BRINP2: variants seen among roughly 807,000 people sequenced by gnomAD.
The protein encoded by BRINP2 is BMP/retinoic acid inducible neural specific 2, also known as BMP/retinoic acid-inducible neural-specific protein 2.
BRINP2 carries 21 observed loss-of-function variants against 69.2 expected under a neutral mutation model. The ratio of observed to expected loss-of-function variants is 0.30; its 90% CI spans 0.22 to 0.44. The LOEUF (loss-of-function observed/expected upper bound fraction) is 0.44, where lower values mean the gene tolerates loss of function less well. Ranked by LOEUF, BRINP2 falls within the 20% of genes least tolerant of loss-of-function variation. BRINP2 has a pLI of 1.00. For missense variants in BRINP2, 877 were observed against 986.0 expected, an observed-to-expected ratio of 0.89 and a Z score of 1.48; for synonymous variants, 380 against 394.1, an observed-to-expected ratio of 0.96 and a Z score of 0.42.
intron 1 of BRINP2, among the ~76,000 whole-genome samples, chr1:177,212,554 A>G (rs2102311874): frequency 6.6e-6 from 1 of 152,250 alleles, no homozygotes; most frequent in East Asian, 1.9e-4. Flanking sequence ...CAAAAAAAAA[A>G]AAAAATTTAT....
chr1:177,195,669 A>G (rs577527587), intron 1 of BRINP2, among the ~76,000 whole-genome samples: 9 of 152,054 alleles, frequency 5.9e-5, no homozygotes, highest in Non-Finnish European at 1.0e-4. Flanking sequence ...TGGGGGGGGA[A>G]TCAATCCCTG....
At chr1:177,173,993 T>G (rs1314411590) in intron 1 of BRINP2, among the ~76,000 whole-genome samples, 1 of 152,228 alleles carries the variant, frequency 6.6e-6, no homozygotes, top group Non-Finnish European at 1.5e-5. Context: ...TGTATACATT[T>G]TATAATGGCA....
At chr1:177,215,480 C>T (rs1649349028) in intron 1 of BRINP2, among the ~76,000 whole-genome samples, 1 of 151,972 alleles carries the variant, frequency 6.6e-6, no homozygotes, top group South Asian at 2.1e-4. Flanking sequence ...TCTCTTGATT[C>T]CTTTTTTAGA....
At chr1:177,178,330 G>T (rs1254134959) in intron 1 of BRINP2, among the ~76,000 whole-genome samples, 4 of 152,246 alleles carry the variant, frequency 2.6e-5, no homozygotes, top group African/African-American at 7.2e-5. Context: ...AATAACAATT[G>T]CTTAGCATAA....
intron 1 of BRINP2, among the ~76,000 whole-genome samples, chr1:177,200,746 G>A (rs1648886941): frequency 6.6e-6 from 1 of 152,034 alleles, no homozygotes; most frequent in Non-Finnish European, 1.5e-5. Context: ...AATACTTTGT[G>A]TATGTATTTA....
rs778619766 is a variant in BRINP2, at chr1:177,273,648, A to T, written c.775+55A>T. 592 of 1,118,538 alleles carry T rather than the reference A, an allele frequency of 5.3e-4. 2 individuals carry two copies. The highest frequency in any genetic ancestry group is 6.9e-4 in the Non-Finnish European group (563 of 816,236). 69.3% of individuals were successfully genotyped at this position (1,118,538 alleles called of 1,614,324 possible). On this transcript the variant is annotated intron_variant, in intron 5 of 7. Coordinates refer to ENST00000361539, the MANE Select transcript of BRINP2 (RefSeq NM_021165.4). ...TTTCACACCTGATTTAAAAAAAAAAATTCCTAGATCAAATAGCGGGAAAAA... is the reference window on the plus strand; with the variant it reads ...TTTCACACCTGATTTAAAAAAAAAATTTCCTAGATCAAATAGCGGGAAAAA...
chr1:177,178,396 C>T (rs1035417288), intron 1 of BRINP2, among the ~76,000 whole-genome samples: 1 of 152,178 alleles, frequency 6.6e-6, no homozygotes, highest in African/African-American at 2.4e-5. Flanking sequence ...ATCTTTCCTA[C>T]ATCCCGCTTC....
intron 1 of BRINP2, among the ~76,000 whole-genome samples, chr1:177,200,207 G>A (rs377036012): frequency 5.9e-5 from 8 of 136,676 alleles, no homozygotes; most frequent in Non-Finnish European, 1.1e-4. Flanking sequence ...CAGGAGAATC[G>A]CTTGAACCCA....
intron 1 of BRINP2, among the ~76,000 whole-genome samples, chr1:177,220,884 G>C (rs1171735552): frequency 6.6e-6 from 1 of 152,152 alleles, no homozygotes; most frequent in Non-Finnish European, 1.5e-5. Context: ...AAATACCACT[G>C]GGTTCTTATG....
At chr1:177,245,267 A>G (rs970765741) in intron 2 of BRINP2, among the ~76,000 whole-genome samples, 1 of 152,036 alleles carries the variant, frequency 6.6e-6, no homozygotes, top group Non-Finnish European at 1.5e-5. Context: ...ATCTTTAAAA[A>G]GAAAGAACGT....
At chr1:177,200,316 A>AAAAAAAAAT (rs1175678666) in intron 1 of BRINP2, among the ~76,000 whole-genome samples, 2 of 149,816 alleles carry the variant, frequency 1.3e-5, no homozygotes, top group Non-Finnish European at 3.0e-5. Flanking sequence ...AAAAAAAAAA[A>AAAAAAAAAT]AAAAAAGAAT....
intron 2 of BRINP2, among the ~76,000 whole-genome samples, chr1:177,240,950 C>T (rs1650179176): frequency 6.6e-6 from 1 of 152,044 alleles, no homozygotes. Context: ...ACAGTTCCAG[C>T]CATGAGGTGC....
At chr1:177,221,241 A>G (rs1472328190) in intron 1 of BRINP2, among the ~76,000 whole-genome samples, 1 of 152,228 alleles carries the variant, frequency 6.6e-6, no homozygotes, top group African/African-American at 2.4e-5. Context: ...GGGTTTGTGC[A>G]TAGTAAATAA....
At chr1:177,241,472 G>A (rs748416261) in intron 2 of BRINP2, among the ~76,000 whole-genome samples, 10 of 152,076 alleles carry the variant, frequency 6.6e-5, no homozygotes, top group Admixed American at 3.3e-4. Context: ...ACTCGTTAGC[G>A]CTTTGTAACT....
intron 2 of BRINP2, among the ~76,000 whole-genome samples, chr1:177,241,128 T>A (rs1285200878): frequency 6.6e-6 from 1 of 152,098 alleles, no homozygotes; most frequent in Non-Finnish European, 1.5e-5. Flanking sequence ...TCCACCACCA[T>A]GCCCGGCTAA....
At chr1:177,190,876 CAT>C (rs1427883495) in intron 1 of BRINP2, among the ~76,000 whole-genome samples, 1 of 152,178 alleles carries the variant, frequency 6.6e-6, no homozygotes, top group Non-Finnish European at 1.5e-5. Flanking sequence ...GTATCTTCCT[CAT>C]AGGGTTATGG....
chr1:177,273,666 G>A lies in BRINP2; in HGVS notation c.775+73G>A, dbSNP rs61814778. On this transcript the variant is annotated intron_variant, in intron 5 of 7. Transcript: ENST00000361539. ...AAAAAAAATTCCTAGATCAAATAGC[G>A]GGAAAAAATTCTGCCTGTTCCATTT... 9.7e-4 allele frequency: 925 copies of A among 952,592 alleles called. 2 individuals are homozygous for A. The highest frequency in any genetic ancestry group is 2.4e-3 in the African/African-American group (142 of 58,700). 59.0% of individuals were successfully genotyped at this position (952,592 alleles called of 1,614,324 possible).
chr1:177,176,311 T>C (rs1304359703), intron 1 of BRINP2, among the ~76,000 whole-genome samples: 1 of 152,144 alleles, frequency 6.6e-6, no homozygotes, highest in Admixed American at 6.5e-5. Flanking sequence ...ATGTAAAATA[T>C]GCATTGGGTT....
intron 3 of BRINP2, 108 bp from the exon 4 acceptor site, chr1:177,257,068 T>C: frequency 6.4e-7 from 1 of 1,567,228 alleles, no homozygotes; most frequent in South Asian, 1.2e-5. Context: ...CAGCAGGGGC[T>C]GCACTCTCTC....
Sources: allele counts gnomAD v4.1 joint callset (sites outside exome capture counted in the v4.1 genomes callset), GRCh38; gene constraint gnomAD v4.1.1; transcripts MANE v1.5; gene names NCBI Gene and HGNC (gene_info 2026-07-23, HGNC 2026-07-21).